Variants in REELD1 observed in about 807,000 individuals in gnomAD.
REELD1 encodes reelin domain-containing protein 1.
In REELD1, 12 loss-of-function variants were observed where a neutral mutation model predicts 6.3. That is an observed-to-expected ratio of 1.89 (90% CI 1.21 to 3.07). The LOEUF (loss-of-function observed/expected upper bound fraction) is 3.07, where lower values mean the gene tolerates loss of function less well. REELD1 is among the 30% of genes most tolerant of loss of function. The pLI is 0.00. For missense variants in REELD1, 163 were observed against 86.8 expected (o/e 1.88, Z -3.49); for synonymous variants, 57 against 33.6 (o/e 1.70, Z -2.42).
chr4:146,227,195 G>A lies in REELD1; in HGVS notation c.596-1015G>A, dbSNP rs536517317. On this transcript the variant is annotated intron_variant, in intron 5 of 7. Transcript: ENST00000623665. The stretch of plus-strand genomic sequence containing the variant: ...TATAACAATACCCAGCACACAGCGG[G>A]TCTGCAGGAAATATCCAAATGCTCT... Among the ~76,000 whole-genome samples, 164 of 152,332 alleles carry A rather than the reference G, an allele frequency of 1.1e-3. 1 individual carries two copies. The highest frequency in any genetic ancestry group is 3.6e-3 in the African/African-American group (149 of 41,558).
rs147754489 is a variant in REELD1 at position 146,216,301 on chromosome 4, T to C, written c.-11-641T>C. ...TGTTATCAGTATGTTTAAGAAGTTA[T>C]AGAATAAATTGAGTATTTCTTTCTC... On this transcript the variant is annotated intron_variant, in intron 2 of 7. Coordinates refer to ENST00000623665, the MANE Select transcript of REELD1 (RefSeq NM_001354631.1). Among the ~76,000 whole-genome samples the C allele has an allele frequency of 4.6e-5, 7 of 152,386 alleles. No homozygotes were observed. In the East Asian group the frequency reaches 7.7e-4, roughly 17 times the overall value.
At chr4:146,223,636 A>G (rs1025705481) in intron 4 of REELD1, among the ~76,000 whole-genome samples, 2 of 152,256 alleles carry the variant, frequency 1.3e-5, no homozygotes, top group African/African-American at 2.4e-5. Flanking sequence ...TGTAGAAGCT[A>G]TGATCTCCAT....
At position 146,224,520 on chromosome 4, in the gene REELD1, C is replaced by T. The variant is rs1000398808; in HGVS notation, c.507C>T (p.Ser169=). 2.9e-6 allele frequency: 2 copies of T among 701,510 alleles called. No individual in the cohort carries two copies. Among genetic ancestry groups the T allele is most frequent in the Non-Finnish European group, 5.2e-6 (2 of 384,700 alleles). The allele number at this position is 701,510 out of a possible 1,614,324, so 43.5% of individuals were successfully genotyped here. Residue 169 remains serine, a synonymous_variant, in exon 5 of 8, where the codon AGC becomes AGT. Transcript: ENST00000623665. ...CTGTTGTGTCTCAACAGACACATAG[C>T]AGCGCCCATTCTGACGACCGCATGG... ...ESSVVSQQTH[S]SAHSDDRMEP...
At chr4:146,227,940 G>C (rs1393977451) in intron 5 of REELD1, among the ~76,000 whole-genome samples, 1 of 152,166 alleles carries the variant, frequency 6.6e-6, no homozygotes, top group South Asian at 2.1e-4. Flanking sequence ...TGCTTTCTGT[G>C]TTCCCTGAAT....
At chr4:146,217,665 A>G (rs1489382929) in intron 3 of REELD1, among the ~76,000 whole-genome samples, 1 of 152,270 alleles carries the variant, frequency 6.6e-6, no homozygotes, top group Non-Finnish European at 1.5e-5. Context: ...CACAAATATT[A>G]TTATAGATAA....
intron 5 of REELD1, among the ~76,000 whole-genome samples, chr4:146,227,578 G>C (rs992189320): frequency 2.0e-5 from 3 of 152,164 alleles, no homozygotes; most frequent in African/African-American, 7.2e-5. Context: ...GCTCTGGGAG[G>C]ACTTCCCCAA....
At chr4:146,225,954 T>G (rs1030437531) in intron 5 of REELD1, among the ~76,000 whole-genome samples, 1 of 152,208 alleles carries the variant, frequency 6.6e-6, no homozygotes, top group Admixed American at 6.5e-5. Context: ...AAAAGAAACA[T>G]GTATGTATGC....
Position 146,214,549 on chromosome 4 carries a change from A to G in REELD1, c.-280A>G. On this transcript the variant is annotated 5_prime_UTR_variant, in exon 1 of 8. The change abolishes an upstream ATG in the 5' untranslated region. Transcript: ENST00000623665. ...GGACACTGAGGAACAGTTCCTGGAG[A>G]TGCTGAGGATTAGTGGTAGCAGCTG... 1 of 152,236 alleles carries G rather than the reference A, an allele frequency of 6.6e-6. No homozygotes were observed. Among genetic ancestry groups the G allele is most frequent in the Non-Finnish European group, 1.5e-5 (1 of 68,124 alleles). 9.4% of individuals were successfully genotyped at this position (152,236 alleles called of 1,614,324 possible).
rs548390050 is a variant in REELD1 at position 146,217,299 on chromosome 4, A to C, written c.208+139A>C. On this transcript the variant is annotated intron_variant, in intron 3 of 7. Coordinates refer to ENST00000623665, the MANE Select transcript of REELD1 (RefSeq NM_001354631.1). ...TTTTTTTTGTTTTTTGTAGAGATGG[A>C]GTCTCACTGTGTTGCCCTGGCTGGT... The C allele has an allele frequency of 1.0e-5, 4 of 396,120 alleles. No homozygotes were observed. In the South Asian group the frequency reaches 4.3e-4, roughly 43 times the overall value. 24.5% of individuals were successfully genotyped at this position (396,120 alleles called of 1,614,324 possible). A position where few individuals can be genotyped will look rare whatever the true frequency, so the allele number is the denominator to read the frequency against.
chr4:146,217,592 A>G (rs984313988), intron 3 of REELD1, among the ~76,000 whole-genome samples: 5 of 152,216 alleles, frequency 3.3e-5, no homozygotes, highest in Non-Finnish European at 5.9e-5. Context: ...AGCATAAAAT[A>G]TTTGTGTCAT....
chr4:146,228,352 G>T lies in REELD1; in HGVS notation c.738G>T (p.Leu246=). The T allele has an allele frequency of 1.4e-6, 1 of 702,558 alleles. No homozygotes were observed. The highest frequency in any genetic ancestry group is 2.6e-6 in the Non-Finnish European group (1 of 384,998). 43.5% of individuals were successfully genotyped at this position (702,558 alleles called of 1,614,324 possible). A position where few individuals can be genotyped will look rare whatever the true frequency, so the allele number is the denominator to read the frequency against. ...VTKFPGDAET[L]SQPSSHTATE... is the part of the protein sequence containing the mutation. Reference sequence around the variant, plus strand: ...AGTTTCCTGGGGATGCAGAGACTCTGTCCCAACCATCTTCACACACAGCCA... The same window carrying T: ...AGTTTCCTGGGGATGCAGAGACTCTTTCCCAACCATCTTCACACACAGCCA... Residue 246 remains leucine, a synonymous_variant, in exon 6 of 8, where the codon CTG becomes CTT. Transcript: ENST00000623665.
At position 146,222,545 on chromosome 4, in the gene REELD1, G is replaced by A; in HGVS notation, c.397G>A (p.Ala133Thr). Residue 133 changes from alanine (A) to threonine (T), a missense_variant, in exon 4 of 8, where the codon GCC (alanine) becomes ACC (threonine). By Grantham distance (58) the Ala-to-Thr change is moderately conservative. Coordinates refer to ENST00000623665, the MANE Select transcript of REELD1 (RefSeq NM_001354631.1). ...LKRNLSFVWK[A>T]PAQPVGDIKF... ...GAGAAACCTGTCATTCGTGTGGAAGGCCCCAGCCCAGCCTGTGGGGGACAT... is the reference window on the plus strand; with the variant it reads ...GAGAAACCTGTCATTCGTGTGGAAGACCCCAGCCCAGCCTGTGGGGGACAT... 2.5e-6 allele frequency: 1 copy of A among 398,624 alleles called. No homozygotes were observed. The allele number at this position is 398,624 out of a possible 1,614,324, so 24.7% of individuals were successfully genotyped here. A position where few individuals can be genotyped will look rare whatever the true frequency, so the allele number is the denominator to read the frequency against.
chr4:146,227,328 G>A (rs1560726529), intron 5 of REELD1, among the ~76,000 whole-genome samples: 1 of 152,176 alleles, frequency 6.6e-6, no homozygotes, highest in African/African-American at 2.4e-5. Context: ...AAACATTGGA[G>A]CAAAGGGGTA....
rs776565861 is a variant in REELD1, at chr4:146,230,810, C to T, written c.*297C>T. On this transcript the variant is annotated 3_prime_UTR_variant, in exon 8 of 8. Coordinates refer to ENST00000623665, the MANE Select transcript of REELD1 (RefSeq NM_001354631.1). ...TTGTATAACCCGCTCATTAACTAGA[C>T]CCCTGTGGCCACTAAGCTTCCTCTG... is the stretch of plus-strand genomic sequence containing the variant. 11 of 214,358 alleles carry T rather than the reference C, an allele frequency of 5.1e-5. No homozygotes were observed. Among genetic ancestry groups the T allele is most frequent in the Non-Finnish European group, 8.2e-5 (9 of 109,148 alleles). 13.3% of individuals were successfully genotyped at this position (214,358 alleles called of 1,614,324 possible).
chr4:146,226,789 G>T (rs1361615966), intron 5 of REELD1, among the ~76,000 whole-genome samples: 1 of 152,132 alleles, frequency 6.6e-6, no homozygotes, highest in Non-Finnish European at 1.5e-5. Flanking sequence ...AATTAATTTT[G>T]AGACAGAATC....
intron 3 of REELD1, among the ~76,000 whole-genome samples, chr4:146,222,034 A>T (rs9993608): frequency 6.6e-6 from 1 of 151,998 alleles, no homozygotes; most frequent in Non-Finnish European, 1.5e-5. Context: ...GGTTCACCTA[A>T]ACTCATATTT....
chr4:146,221,773 C>T (rs543636173), intron 3 of REELD1, among the ~76,000 whole-genome samples: 49 of 152,122 alleles, frequency 3.2e-4, no homozygotes, highest in African/African-American at 1.2e-3. Flanking sequence ...GCAGGAGAAT[C>T]GCCTGAACCC....
Position 146,226,664 on chromosome 4 carries a change from C to T in REELD1, c.596-1546C>T, listed in dbSNP as rs538640246. Among the ~76,000 whole-genome samples the T allele has an allele frequency of 3.2e-4, 49 of 152,298 alleles. No homozygotes were observed. The South Asian group carries it at 9.6e-3, about 30-fold the overall frequency. ...TAAGCACCTGCTAAAAACCCCACCT[C>T]TTTACACTATTGCATTGGGGATTTG... On this transcript the variant is annotated intron_variant, in intron 5 of 7. Coordinates refer to ENST00000623665, the MANE Select transcript of REELD1 (RefSeq NM_001354631.1).
Position 146,230,158 on chromosome 4 carries a change from AT to A in REELD1, c.1227del (p.Asn409LysfsTer20), listed in dbSNP as rs769226289. 3 of 398,700 alleles carry A rather than the reference AT, an allele frequency of 7.5e-6. No homozygotes were observed. Among genetic ancestry groups the A allele is most frequent in the Non-Finnish European group, 8.8e-6 (2 of 226,240 alleles). The allele number at this position is 398,700 out of a possible 1,614,324, so 24.7% of individuals were successfully genotyped here. A position where few individuals can be genotyped will look rare whatever the true frequency, so the allele number is the denominator to read the frequency against. On this transcript the variant is annotated frameshift_variant, in exon 8 of 8. Coordinates refer to ENST00000623665, the MANE Select transcript of REELD1 (RefSeq NM_001354631.1). LOFTEE classifies it low-confidence loss of function (END_TRUNC). ...KHKELRAGKG[N>X]GEGGVGYPRQ... Reference sequence around the variant, plus strand: ...AAGGAGCTCAGAGCAGGGAAGGGAAATGGAGAGGGTGGAGTGGGATACCCTC... The same window carrying A: ...AAGGAGCTCAGAGCAGGGAAGGGAAAGGAGAGGGTGGAGTGGGATACCCTC...
Sources: allele counts gnomAD v4.1 joint callset (sites outside exome capture counted in the v4.1 genomes callset), GRCh38; gene constraint gnomAD v4.1.1; transcripts MANE v1.5; gene names NCBI Gene and HGNC (gene_info 2026-07-23, HGNC 2026-07-21).